CLBA1: variants seen among roughly 807,000 people sequenced by gnomAD.
CLBA1 encodes the protein clathrin binding box of aftiphilin containing 1.
In CLBA1, 30 loss-of-function variants were observed where a neutral mutation model predicts 28.8. That is an observed-to-expected ratio of 1.04 (90% CI 0.78 to 1.41). CLBA1 has a LOEUF of 1.41. CLBA1 is among the 40% of genes most tolerant of loss of function. The pLI is 0.00. For synonymous variants in CLBA1, 160 were observed against 152.8 expected, an observed-to-expected ratio of 1.05 and a Z score of -0.35; for missense variants, 451 against 412.3, an observed-to-expected ratio of 1.09 and a Z score of -0.81.
chr14:104,986,632 ATGTCC>A lies in CLBA1; in HGVS notation c.204_208del (p.Cys68Ter). The A allele has an allele frequency of 1.9e-6, 3 of 1,613,944 alleles. No homozygotes were observed. Among genetic ancestry groups the A allele is most frequent in the Non-Finnish European group, 2.5e-6 (3 of 1,179,990 alleles). On this transcript the variant is annotated frameshift_variant, in exon 1 of 5. Coordinates refer to ENST00000547315, the MANE Select transcript of CLBA1 (RefSeq NM_174891.4). LOFTEE classifies it high-confidence loss of function. ...AGGGCGGTTCCACCTGCACTGCCCG[ATGTCC>A]TGACCCTGGGGAACACAGCAGCACT...
In CLBA1 at chr14:104,991,538, C is replaced by T. The variant is rs200639249; in HGVS notation, c.617C>T (p.Thr206Met). 7.8e-5 allele frequency: 126 copies of T among 1,613,958 alleles called. No homozygotes were observed. Among genetic ancestry groups the T allele is most frequent in the Non-Finnish European group, 9.8e-5 (116 of 1,179,936 alleles). Residue 206 changes from threonine to methionine, a missense_variant, in exon 3 of 5, where the codon ACG becomes ATG. Transcript: ENST00000547315. The stretch of plus-strand genomic sequence containing the variant: ...AGAGCCCTTCAGAGCATACACACCA[C>T]GTCTACTTCTCAGCGCCTCTGGAGC... ...LWRALQSIHT[T>M]STSQRLWSES... is the part of the protein sequence containing the mutation.
chr14:104,986,975 C>T, intron 1 of CLBA1, 121 bp downstream of exon 1: 3 of 1,207,360 alleles, frequency 2.5e-6, no homozygotes, highest in Non-Finnish European at 3.5e-6. Flanking sequence ...AGAGCGTCTG[C>T]TTCTCTCCTG....
At position 104,986,221 on chromosome 14, in the gene CLBA1, A is replaced by G. The variant is rs932362554; in HGVS notation, c.-211A>G. 6.7e-6 allele frequency: 4 copies of G among 601,130 alleles called. No individual in the cohort carries two copies. The highest frequency in any genetic ancestry group is 1.2e-5 in the Non-Finnish European group (4 of 341,650). The allele number at this position is 601,130 out of a possible 1,614,324, so 37.2% of individuals were successfully genotyped here. A position where few individuals can be genotyped will look rare whatever the true frequency, so the allele number is the denominator to read the frequency against. The stretch of plus-strand genomic sequence containing the variant: ...GGGAGGAAGCCAGGACTCCCGGGCG[A>G]CCGGGCCATTCCTGTGGTTTGTGTC... On this transcript the variant is annotated 5_prime_UTR_variant, in exon 1 of 5. Coordinates refer to ENST00000547315, the MANE Select transcript of CLBA1 (RefSeq NM_174891.4).
intron 2 of CLBA1, among the ~76,000 whole-genome samples, chr14:105,000,618 TAC>T (rs1475883605): frequency 1.3e-5 from 2 of 151,974 alleles, no homozygotes; most frequent in African/African-American, 4.8e-5. Context: ...TTTATATATA[TAC>T]ACACACACAA....
intron 4 of CLBA1, chr14:104,994,224 G>A (rs1900112103): frequency 4.1e-6 from 4 of 985,486 alleles, no homozygotes; most frequent in Non-Finnish European, 3.6e-6. Context: ...AGCCGCAGCT[G>A]TTTGGGGGAA....
At chr14:104,989,884 A>G (rs1899972222) in intron 2 of CLBA1, 8 of 363,678 alleles carry the variant, frequency 2.2e-5, no homozygotes, top group South Asian at 3.9e-5. Flanking sequence ...CTCTGCAGAC[A>G]GGCCATTCTG....
In CLBA1 at chr14:104,993,520, TTC is replaced by T. The variant is rs1405891349; in HGVS notation, c.816+461_816+462del. 6.1e-6 allele frequency: 6 copies of T among 985,322 alleles called. No individual in the cohort carries two copies. In the Admixed American group the frequency reaches 2.5e-4, roughly 40 times the overall value. The allele number at this position is 985,322 out of a possible 1,614,324, so 61.0% of individuals were successfully genotyped here. A position where few individuals can be genotyped will look rare whatever the true frequency, so the allele number is the denominator to read the frequency against. On this transcript the variant is annotated intron_variant, in intron 4 of 4. Coordinates refer to ENST00000547315, the MANE Select transcript of CLBA1 (RefSeq NM_174891.4). ...CCTACACAGGGTCTGCCCACAGCTT[TTC>T]TCTCATGAGCCGCGGTTCTTGCCAC...
At position 104,991,771 on chromosome 14, in the gene CLBA1, G is replaced by C. The variant is rs560823485; in HGVS notation, c.699+151G>C. 2.0e-5 allele frequency: 19 copies of C among 931,286 alleles called. No homozygotes were observed. The African/African-American group carries it at 3.0e-4, about 15-fold the overall frequency. 57.7% of individuals were successfully genotyped at this position (931,286 alleles called of 1,614,324 possible). ...CTAGGTGGCCCCATAAACGTGTCAG[G>C]GCCACTGGATGACTCCCGAATGCTT... is the stretch of plus-strand genomic sequence containing the variant. On this transcript the variant is annotated intron_variant, in intron 3 of 4. Transcript: ENST00000547315.
At chr14:104,993,692 A>G in intron 4 of CLBA1, 2 of 985,394 alleles carry the variant, frequency 2.0e-6, no homozygotes, top group South Asian at 4.7e-5. Context: ...CCCTCAGACC[A>G]AGTATTGCAG....
intron 4 of CLBA1, chr14:104,994,093 T>C: frequency 1.1e-5 from 11 of 985,240 alleles, no homozygotes; most frequent in Non-Finnish European, 1.3e-5. Context: ...TGATCGGCCG[T>C]CTTCACAGGC....
intron 1 of CLBA1, among the ~76,000 whole-genome samples, chr14:104,987,606 C>CTTTTTTTTTTTTTTTTTTTTTTTTTT (rs869117577): frequency 1.7e-5 from 1 of 59,984 alleles, no homozygotes; most frequent in Non-Finnish European, 2.9e-5. Context: ...TCTTCCTTTT[C>CTTTTTTTTTTTTTTTTTTTTTTTTTT]TTTTTTTTTT....
Position 104,986,745 on chromosome 14 carries a change from C to T in CLBA1, c.314C>T (p.Thr105Ile). Reference protein sequence around the residue: ...SQSLELLEGPTEPQPPRTTSA... With the variant: ...SQSLELLEGPIEPQPPRTTSA... ...TCCCTTGAACTCCTCGAGGGACCCA[C>T]AGAACCCCAGCCACCGAGAACCACT... Residue 105 changes from threonine (T) to isoleucine (I), a missense_variant, in exon 1 of 5, where the codon ACA (threonine) becomes ATA (isoleucine). Transcript: ENST00000547315. The T allele has an allele frequency of 6.2e-7, 1 of 1,612,828 alleles. No individual in the cohort carries two copies. The highest frequency in any genetic ancestry group is 1.1e-5 in the South Asian group (1 of 90,998).
Position 104,992,020 on chromosome 14 carries a change from C to T in CLBA1, c.699+400C>T, listed in dbSNP as rs181776922. On this transcript the variant is annotated intron_variant, in intron 3 of 4. Coordinates refer to ENST00000547315, the MANE Select transcript of CLBA1 (RefSeq NM_174891.4). ...GCACACACCTCACGCCACCACATGC[C>T]GCCATGCACACGCCGCCACGCACAC... is the stretch of plus-strand genomic sequence containing the variant. Among the ~76,000 whole-genome samples the T allele has an allele frequency of 6.4e-3, 937 of 146,538 alleles. 19 individuals are homozygous for T. The highest frequency in any genetic ancestry group is 5.3e-3 in the Non-Finnish European group (350 of 66,574).
chr14:104,991,794 C>T (rs1900030775), intron 3 of CLBA1, among the ~76,000 whole-genome samples, 174 bp downstream of exon 3: 1 of 152,146 alleles, frequency 6.6e-6, no homozygotes, highest in African/African-American at 2.4e-5. Flanking sequence ...CTCCCGAATG[C>T]TTGAGGCAGG....
intron 2 of CLBA1, chr14:104,990,138 A>C (rs576615406): frequency 5.5e-6 from 1 of 180,834 alleles, no homozygotes; most frequent in African/African-American, 2.3e-5. Flanking sequence ...GGCAGCATTG[A>C]CATCTCTGTC....
At chr14:104,992,089 C>T (rs1900046203) in intron 3 of CLBA1, among the ~76,000 whole-genome samples, 2 of 146,124 alleles carry the variant, frequency 1.4e-5, no homozygotes, top group African/African-American at 5.1e-5. Flanking sequence ...CACGCACATG[C>T]CTCACACACC....
chr14:104,988,717 G>A (rs1467703538), intron 1 of CLBA1, among the ~76,000 whole-genome samples: 1 of 152,180 alleles, frequency 6.6e-6, no homozygotes, highest in Non-Finnish European at 1.5e-5. Context: ...TGTCACTGAT[G>A]AAGTTTGAAT....
rs1413649582 is a variant in CLBA1, at chr14:104,994,747, C to A, written c.966C>A (p.Ser322Arg). 10 of 1,598,632 alleles carry A rather than the reference C, an allele frequency of 6.3e-6. No homozygotes were observed. Among genetic ancestry groups the A allele is most frequent in the South Asian group, 2.3e-5 (2 of 88,726 alleles). Reference protein sequence around the residue: ...PRKLKLTLFNSDVC With the variant: ...PRKLKLTLFNRDVC ...AGCTCAAACTGACACTCTTTAATAG[C>A]GACGTTTGCTAAAATCAGGAGGACT... Residue 322 changes from serine (S) to arginine (R), a missense_variant, in exon 5 of 5, where the codon AGC becomes AGA. By Grantham distance (110) the Ser-to-Arg change is moderately radical. Transcript: ENST00000547315.
In CLBA1 at chr14:104,990,211, G is replaced by A. The variant is rs533195115; in HGVS notation, c.569+1123G>A. The stretch of plus-strand genomic sequence containing the variant: ...GTCCTGGGTGTCAGGACTTGGCGGG[G>A]CTGGACACTCGTGGGACAGAAGGCT... On this transcript the variant is annotated intron_variant, in intron 2 of 4. Coordinates refer to ENST00000547315, the MANE Select transcript of CLBA1 (RefSeq NM_174891.4). The A allele has an allele frequency of 1.8e-5, 3 of 163,396 alleles. No homozygotes were observed. In the South Asian group the frequency reaches 5.0e-4, roughly 27 times the overall value. 10.1% of individuals were successfully genotyped at this position (163,396 alleles called of 1,614,324 possible). A position where few individuals can be genotyped will look rare whatever the true frequency, so the allele number is the denominator to read the frequency against.
Sources: gnomAD v4.1 joint callset for allele counts (sites outside exome capture counted in the v4.1 genomes callset) on GRCh38, gnomAD v4.1.1 for gene constraint, MANE v1.5 for transcripts, NCBI Gene and HGNC (gene_info 2026-07-23, HGNC 2026-07-21) for gene names.